Variants in BEND2 observed in about 807,000 individuals in gnomAD.
BEND2 encodes BEN domain-containing protein 2.
A neutral mutation model predicts 43.8 loss-of-function variants in BEND2; 19 were observed. The ratio of observed to expected loss-of-function variants is 0.43; its 90% CI spans 0.30 to 0.64. The LOEUF is 0.64. BEND2 is among the 30% of genes least tolerant of loss of function. The pLI, the probability that BEND2 is intolerant of heterozygous loss-of-function variation, is 0.11. For missense variants in BEND2, 544 were observed against 574.0 expected (o/e 0.95, Z 0.53); for synonymous variants, 226 against 210.1 (o/e 1.08, Z -0.66).
chrX:18,177,811 A>T, intron 9 of BEND2, 42 bp from the exon 10 acceptor site: 1 of 1,078,230 alleles, frequency 9.3e-7, no homozygotes, highest in Non-Finnish European at 1.3e-6. Flanking sequence ...TGGTTTTGTC[A>T]TGCAAGGGTA....
At chrX:18,171,350 ATTTAT>A in intron 12 of BEND2, 146 bp from the exon 13 acceptor site, 2 of 651,303 alleles carry the variant, frequency 3.1e-6, no homozygotes, top group Middle Eastern at 4.9e-4. Context: ...TTACATTTTT[ATTTAT>A]TTTAAAGACA....
At chrX:18,177,259 C>CTTT (rs3082649) in intron 10 of BEND2, among the ~76,000 whole-genome samples, 2 of 56,232 alleles carry the variant, frequency 3.6e-5, no homozygotes, top group African/African-American at 1.4e-4. Context: ...GAGCTTTTTC[C>CTTT]TTTTTTTTTT....
chrX:18,212,448 T>C (rs1370004096), intron 4 of BEND2, 117 bp downstream of exon 4: 6 of 509,099 alleles, frequency 1.2e-5, no homozygotes, highest in Non-Finnish European at 1.6e-5. Flanking sequence ...TTATCAAAAC[T>C]CACTGATTTG....
chrX:18,214,810 C>CAAAAAAAAAAAA (rs58814498), intron 2 of BEND2, among the ~76,000 whole-genome samples: 1 of 35,450 alleles, frequency 2.8e-5, no homozygotes, highest in Non-Finnish European at 4.5e-5. Context: ...GACTCTGTCT[C>CAAAAAAAAAAAA]AAAAAAAAAA....
chrX:18,182,491 A>G (rs184270381), intron 8 of BEND2, among the ~76,000 whole-genome samples: 2 of 111,829 alleles, frequency 1.8e-5, no homozygotes, highest in East Asian at 5.6e-4. Flanking sequence ...AAAAAAAGAA[A>G]GCAGAGTGGC....
intron 8 of BEND2, among the ~76,000 whole-genome samples, chrX:18,182,115 T>C (rs1489590452): frequency 9.0e-6 from 1 of 111,500 alleles, no homozygotes; most frequent in Non-Finnish European, 1.9e-5. Context: ...ATGGTTTGGA[T>C]TTGTATCCCT....
In BEND2 at chrX:18,216,532, T is replaced by C; in HGVS notation, c.227A>G (p.Gln76Arg). 1 of 1,202,341 alleles carries C rather than the reference T, an allele frequency of 8.3e-7. No individual in the cohort carries two copies. Among genetic ancestry groups the C allele is most frequent in the Non-Finnish European group, 1.1e-6 (1 of 887,052 alleles). ...GGNDGHHRPL[Q>R]MSYGSGSVTQ... ...TTTAACAAAATTACCATATGACATT[T>C]GGAGTGGACGGTGATGGCCATCATT... Residue 76 changes from glutamine to arginine, a missense_variant, in exon 2 of 14, where the codon CAA becomes CGA. Transcript: ENST00000380033.
At position 18,180,574 on chromosome X, in the gene BEND2, A is replaced by C. The variant is rs769406314; in HGVS notation, c.1365T>G (p.Thr455=). Residue 455 remains threonine, a synonymous_variant, in exon 9 of 14, where the codon ACT becomes ACG. Coordinates refer to ENST00000380033, the MANE Select transcript of BEND2 (RefSeq NM_153346.5). ...CCTGGCCACTGTCACTGTCCAATAA[A>C]GTTGAGCGATTCATTGTGTTGACGC... ...ENSVNTMNRS[T]LLDSDSGQDS... The C allele has an allele frequency of 8.3e-7, 1 of 1,210,429 alleles. No individual in the cohort carries two copies. The highest frequency in any genetic ancestry group is 1.8e-5 in the South Asian group (1 of 56,943).
chrX:18,195,542 T>TA lies in BEND2; in HGVS notation c.1034-101dup, dbSNP rs1924914413. On this transcript the variant is annotated intron_variant, in intron 6 of 13. Coordinates refer to ENST00000380033, the MANE Select transcript of BEND2 (RefSeq NM_153346.5). ...AGACATTTCTCGAACGAAAGAAAAC[T>TA]AAAAAAATCTGTCCCTAGCCGACTT... 7.2e-6 allele frequency: 6 copies of TA among 838,912 alleles called. No individual in the cohort carries two copies. The South Asian group carries it at 1.7e-4, about 24-fold the overall frequency. 69.1% of individuals were successfully genotyped at this position (838,912 alleles called of 1,213,427 possible).
chrX:18,184,829 G>A (rs1924514226), intron 8 of BEND2, among the ~76,000 whole-genome samples: 2 of 111,036 alleles, frequency 1.8e-5, no homozygotes, highest in Non-Finnish European at 1.9e-5. Flanking sequence ...AGGCACCAGG[G>A]ACCAATCCCA....
At chrX:18,177,895 G>A in intron 9 of BEND2, 126 bp from the exon 10 acceptor site, 2 of 634,340 alleles carry the variant, frequency 3.2e-6, no homozygotes, top group Non-Finnish European at 4.8e-6. Flanking sequence ...GCAGATAAAT[G>A]ATTTCTAATT....
chrX:18,181,781 A>G (rs755939241), intron 8 of BEND2, among the ~76,000 whole-genome samples: 2 of 112,049 alleles, frequency 1.8e-5, no homozygotes, highest in African/African-American at 3.2e-5. Flanking sequence ...AAACAAATCA[A>G]GATGGAATAC....
In BEND2 at chrX:18,220,651, A is replaced by T. The variant is rs746164440; in HGVS notation, c.25+75T>A. On this transcript the variant is annotated intron_variant, in intron 1 of 13. Transcript: ENST00000380033. ...TCCTGCCGCCCCTGAATGGCCACCT[A>T]AGTGGGTGCCATCCAGACTCTTGAC... The T allele has an allele frequency of 3.4e-6, 4 of 1,175,369 alleles. No homozygotes were observed. In the East Asian group the frequency reaches 9.1e-5, roughly 27 times the overall value.
chrX:18,189,088 T>C (rs897784424), intron 8 of BEND2, among the ~76,000 whole-genome samples: 2 of 108,280 alleles, frequency 1.8e-5, no homozygotes, highest in African/African-American at 3.4e-5. Context: ...TAGTCCCAGC[T>C]ACTCAGGAGG....
At chrX:18,175,529 A>T (rs1924116567) in intron 11 of BEND2, among the ~76,000 whole-genome samples, 1 of 111,988 alleles carries the variant, frequency 8.9e-6, no homozygotes, top group Non-Finnish European at 1.9e-5. Context: ...TCATGACATG[A>T]GTTTATTTCA....
At chrX:18,211,987 GA>G (rs944241315) in intron 4 of BEND2, among the ~76,000 whole-genome samples, 48 of 105,267 alleles carry the variant, frequency 4.6e-4, no homozygotes, top group African/African-American at 1.6e-3. Context: ...ATCTAGGATG[GA>G]AAAAAAAATC....
intron 13 of BEND2, among the ~76,000 whole-genome samples, chrX:18,170,607 G>A (rs1373129505): frequency 8.9e-6 from 1 of 112,415 alleles, no homozygotes; most frequent in Non-Finnish European, 1.9e-5. Context: ...TTAGGCTAAC[G>A]TGCACAAAAG....
intron 7 of BEND2, among the ~76,000 whole-genome samples, chrX:18,192,045 T>C (rs753942042): frequency 1.8e-5 from 2 of 112,094 alleles, no homozygotes; most frequent in South Asian, 7.5e-4. Flanking sequence ...CTAGATTAAA[T>C]AGTGCTACAT....
intron 8 of BEND2, among the ~76,000 whole-genome samples, chrX:18,190,372 T>C (rs929359056): frequency 1.8e-5 from 2 of 111,428 alleles, no homozygotes; most frequent in African/African-American, 6.5e-5. Flanking sequence ...TACCATGAAA[T>C]AGTACTCAGC....
Sources: gnomAD v4.1 joint callset for allele counts (sites outside exome capture counted in the v4.1 genomes callset) on GRCh38, gnomAD v4.1.1 for gene constraint, MANE v1.5 for transcripts, NCBI Gene and HGNC (gene_info 2026-07-23, HGNC 2026-07-21) for gene names.